NOX5: variants seen among roughly 807,000 people sequenced by gnomAD.
NOX5 encodes NADPH oxidase 5, also known as NADPH oxidase, EF-hand calcium binding domain 5.
Under a neutral mutation model 85.7 loss-of-function variants are expected in NOX5, and 76 were observed. The observed-to-expected ratio is 0.89, with a 90% CI of 0.74 to 1.07. The LOEUF (loss-of-function observed/expected upper bound fraction) is 1.07, where lower values mean the gene tolerates loss of function less well. Among genes scored for constraint, NOX5 ranks in the 50% least tolerant of loss-of-function variants. NOX5 has a pLI of 0.00. For missense variants in NOX5, 973 were observed against 999.5 expected (o/e 0.97, Z 0.36); for synonymous variants, 405 against 401.4 (o/e 1.01, Z -0.11).
At position 69,046,878 on chromosome 15, in the gene NOX5, CAG is replaced by C. The variant is rs747025909; in HGVS notation, c.1692+13_1692+14del. The C allele has an allele frequency of 1.2e-6, 2 of 1,613,258 alleles. No homozygotes were observed. Among genetic ancestry groups the C allele is most frequent in the Non-Finnish European group, 1.7e-6 (2 of 1,179,446 alleles). On this transcript the variant is annotated intron_variant, in intron 11 of 15. Transcript: ENST00000388866. ...TCTGTAACATCAAGGTGAGAGGCTGCAGGGGTGGACGTGAGCAATAATGCCTG... is the reference window on the plus strand; with the variant it reads ...TCTGTAACATCAAGGTGAGAGGCTGCGGGTGGACGTGAGCAATAATGCCTG...
In NOX5 at chr15:69,032,409, C is replaced by CT. The variant is rs1210362821; in HGVS notation, c.620+614dup. Among the ~76,000 whole-genome samples the CT allele has an allele frequency of 6.9e-3, 982 of 142,704 alleles. 5 individuals carry two copies. Among genetic ancestry groups the CT allele is most frequent in the African/African-American group, 0.013 (503 of 39,060 alleles). 93.6% of individuals were successfully genotyped at this position (142,704 alleles called of 152,430 possible). ...GTAGTTCATTCTTCCTGTGTATTAA[C>CT]TTTTTTTTTTTTTTTTTCTGAGACG... is the stretch of plus-strand genomic sequence containing the variant. On this transcript the variant is annotated intron_variant, in intron 4 of 15. Coordinates refer to ENST00000388866, the MANE Select transcript of NOX5 (RefSeq NM_024505.4).
At chr15:69,032,722 A>G (rs998958351) in intron 4 of NOX5, among the ~76,000 whole-genome samples, 4 of 152,196 alleles carry the variant, frequency 2.6e-5, no homozygotes, top group Non-Finnish European at 5.9e-5. Context: ...CTACCTGCCT[A>G]TTAACTTTCT....
chr15:69,031,899 C>T, intron 4 of NOX5, 87 bp downstream of exon 4: 1 of 1,383,180 alleles, frequency 7.2e-7, no homozygotes, highest in Non-Finnish European at 9.8e-7. Flanking sequence ...CGCGGATCCA[C>T]TCTGCCCTAC....
At chr15:69,040,235 A>G (rs952701874) in intron 9 of NOX5, among the ~76,000 whole-genome samples, 6 of 152,254 alleles carry the variant, frequency 3.9e-5, no homozygotes, top group African/African-American at 1.4e-4. Context: ...GAGAGGGTGA[A>G]GCTATTTTCT....
rs1286544238 is a variant in NOX5, at chr15:69,038,837, A to G, written c.1372-20A>G. On this transcript the variant is annotated intron_variant, in intron 8 of 15. Coordinates refer to ENST00000388866, the MANE Select transcript of NOX5 (RefSeq NM_024505.4). Reference sequence around the variant, plus strand: ...CTTTGGGCCTGCAGGAATGATGCAGATCTCCTTCCTCTTTCCCAGGTCACT... The same window carrying G: ...CTTTGGGCCTGCAGGAATGATGCAGGTCTCCTTCCTCTTTCCCAGGTCACT... 1 of 1,613,982 alleles carries G rather than the reference A, an allele frequency of 6.2e-7. No individual in the cohort carries two copies. The highest frequency in any genetic ancestry group is 8.5e-7 in the Non-Finnish European group (1 of 1,179,982).
intron 1 of NOX5, chr15:69,023,481 C>A: frequency 4.9e-6 from 2 of 404,634 alleles, no homozygotes; most frequent in East Asian, 7.8e-5. Flanking sequence ...ACTGAAATCC[C>A]GAATAGAGCC....
At chr15:69,050,374 G>A (rs2140279490) in intron 14 of NOX5, among the ~76,000 whole-genome samples, 1 of 152,090 alleles carries the variant, frequency 6.6e-6, no homozygotes, top group East Asian at 1.9e-4. Context: ...AGAACTGATG[G>A]TTCTTTGTAA....
At chr15:69,054,964 C>G (rs1418783167) in intron 14 of NOX5, among the ~76,000 whole-genome samples, 1 of 152,170 alleles carries the variant, frequency 6.6e-6, no homozygotes, top group East Asian at 1.9e-4. Context: ...TGGCTCACAC[C>G]TGTAATCCCA....
At chr15:69,036,550 C>G (rs2050518753) in intron 7 of NOX5, among the ~76,000 whole-genome samples, 1 of 152,194 alleles carries the variant, frequency 6.6e-6, no homozygotes, top group Non-Finnish European at 1.5e-5. Flanking sequence ...CAGCAACAAG[C>G]CTTTGAAGTA....
chr15:69,045,303 A>G (rs1025527951), intron 10 of NOX5, among the ~76,000 whole-genome samples: 4 of 152,260 alleles, frequency 2.6e-5, no homozygotes, highest in Non-Finnish European at 1.5e-5. Context: ...ATTGTATTCA[A>G]AACAAGTCAT....
chr15:69,033,247 G>T lies in NOX5; in HGVS notation c.825G>T (p.Gln275His), dbSNP rs762153076. Residue 275 changes from glutamine to histidine, a missense_variant, in exon 5 of 16, where the codon CAG becomes CAT. Coordinates refer to ENST00000388866, the MANE Select transcript of NOX5 (RefSeq NM_024505.4). The stretch of plus-strand genomic sequence containing the variant: ...TCATGGTGGCCAAGGGCTGCGGCCA[G>T]TGCCTCAACTTCGACTGCAGCTTCA... ...ASVMVAKGCG[Q>H]CLNFDCSFIA... The T allele has an allele frequency of 1.9e-6, 3 of 1,596,450 alleles. No individual in the cohort carries two copies. Among genetic ancestry groups the T allele is most frequent in the Non-Finnish European group, 2.5e-6 (3 of 1,178,934 alleles).
At chr15:69,027,569 C>T (rs2050374407) in intron 2 of NOX5, among the ~76,000 whole-genome samples, 2 of 152,120 alleles carry the variant, frequency 1.3e-5, no homozygotes, top group Non-Finnish European at 2.9e-5. Context: ...TCCCAGGACA[C>T]AGCATCTTTG....
chr15:69,055,253 G>A (rs311905), intron 14 of NOX5, 81 bp from the exon 15 acceptor site: 1,365,366 of 1,461,240 alleles, frequency 0.93, 642,057 homozygotes, highest in Non-Finnish European at 0.96. Flanking sequence ...AAGCCCCAGG[G>A]TAAGGTAGTG....
chr15:69,019,766 T>C (rs576236610), intron 1 of NOX5, among the ~76,000 whole-genome samples: 8 of 152,350 alleles, frequency 5.3e-5, no homozygotes, highest in Admixed American at 2.0e-4. Flanking sequence ...ATGATGGATA[T>C]GGGCCATTAT....
intron 13 of NOX5, among the ~76,000 whole-genome samples, chr15:69,048,417 C>T (rs544369670): frequency 6.6e-6 from 1 of 152,162 alleles, no homozygotes; most frequent in East Asian, 1.9e-4. Flanking sequence ...CCTGTGGTCC[C>T]AGCTACTTGG....
chr15:69,021,825 T>G (rs2050298956), intron 1 of NOX5, among the ~76,000 whole-genome samples: 1 of 152,218 alleles, frequency 6.6e-6, no homozygotes. Flanking sequence ...TTAATCATGC[T>G]TTTCTTCTTA....
chr15:69,025,903 A>G (rs562322017), intron 1 of NOX5, among the ~76,000 whole-genome samples: 5 of 152,162 alleles, frequency 3.3e-5, no homozygotes, highest in Non-Finnish European at 7.4e-5. Context: ...CCTGGGCCTG[A>G]AGAGTTAAGA....
At chr15:69,033,509 T>C (rs1407224524) in intron 5 of NOX5, among the ~76,000 whole-genome samples, 2 of 152,148 alleles carry the variant, frequency 1.3e-5, no homozygotes, top group Admixed American at 1.3e-4. Context: ...TTGTGCACTA[T>C]GCACCAGGCA....
In NOX5 at chr15:69,062,186, C is replaced by G. The variant is rs2050876539; in HGVS notation, c.*5490C>G. 1 of 152,186 alleles carries G rather than the reference C, an allele frequency of 6.6e-6. No homozygotes were observed. The highest frequency in any genetic ancestry group is 2.4e-5 in the African/African-American group (1 of 41,438). 9.4% of individuals were successfully genotyped at this position (152,186 alleles called of 1,614,324 possible). A position where few individuals can be genotyped will look rare whatever the true frequency, so the allele number is the denominator to read the frequency against. ...TGGCATTCTAAATGCTTCTCAAGCA[C>G]ATTTCCTTCCCCACTGGCCCTGCCT... On this transcript the variant is annotated 3_prime_UTR_variant, in exon 16 of 16. Coordinates refer to ENST00000388866, the MANE Select transcript of NOX5 (RefSeq NM_024505.4).
Sources: gnomAD v4.1 joint callset for allele counts (sites outside exome capture counted in the v4.1 genomes callset) on GRCh38, gnomAD v4.1.1 for gene constraint, MANE v1.5 for transcripts, NCBI Gene and HGNC (gene_info 2026-07-23, HGNC 2026-07-21) for gene names.